The following INPP5A variants were observed in gnomAD, a reference collection of about 807,000 sequenced individuals.
The protein encoded by INPP5A is inositol polyphosphate-5-phosphatase A, also known as 43 kDa inositol polyphosphate 5-phophatase.
In INPP5A, 14 loss-of-function variants were observed where a neutral mutation model predicts 65.2. That is an observed-to-expected ratio of 0.21 (90% CI 0.14 to 0.34). The LOEUF (loss-of-function observed/expected upper bound fraction) is 0.34. INPP5A is among the 10% of genes least tolerant of loss of function. The pLI, the probability that INPP5A is intolerant of heterozygous loss-of-function variation, is 1.00. For synonymous variants in INPP5A, 207 were observed against 208.3 expected (o/e 0.99, Z 0.05); for missense variants, 431 against 545.6 (o/e 0.79, Z 2.09).
intron 1 of INPP5A, among the ~76,000 whole-genome samples, chr10:132,544,417 G>A (rs990782393): frequency 1.3e-5 from 2 of 152,178 alleles, no homozygotes; most frequent in African/African-American, 4.8e-5. Context: ...GGCAATGGGC[G>A]TGGCTGGAGG....
intron 9 of INPP5A, among the ~76,000 whole-genome samples, chr10:132,731,408 C>T (rs1213611555): frequency 6.6e-6 from 1 of 151,912 alleles, no homozygotes; most frequent in Non-Finnish European, 1.5e-5. Flanking sequence ...GAAGTGACTG[C>T]GTCCCTCCTG....
At chr10:132,712,203 G>C (rs974030060) in intron 8 of INPP5A, among the ~76,000 whole-genome samples, 16 of 152,224 alleles carry the variant, frequency 1.1e-4, no homozygotes, top group Admixed American at 6.5e-5. Flanking sequence ...GCATGTGTGT[G>C]CCTGTGCGTG....
intron 5 of INPP5A, among the ~76,000 whole-genome samples, chr10:132,691,442 G>A (rs555316737): frequency 2.0e-5 from 3 of 152,234 alleles, no homozygotes; most frequent in African/African-American, 4.8e-5. Context: ...AGCGGCCGGC[G>A]AGAGTGGAGA....
chr10:132,564,662 C>A (rs2071251142), intron 1 of INPP5A, among the ~76,000 whole-genome samples: 2 of 152,218 alleles, frequency 1.3e-5, no homozygotes. Flanking sequence ...ATAAACAGAC[C>A]TTGCCAAATG....
intron 1 of INPP5A, among the ~76,000 whole-genome samples, chr10:132,562,258 G>T (rs1336803345): frequency 6.6e-6 from 1 of 152,234 alleles, no homozygotes; most frequent in Non-Finnish European, 1.5e-5. Flanking sequence ...TGATACGGCT[G>T]GGCCAGGCCT....
At chr10:132,596,553 G>A (rs1420829770) in intron 1 of INPP5A, among the ~76,000 whole-genome samples, 3 of 151,876 alleles carry the variant, frequency 2.0e-5, no homozygotes, top group Non-Finnish European at 4.4e-5. Flanking sequence ...TCAGCCTCCT[G>A]AGTAGCTGGG....
chr10:132,697,851 T>G lies in INPP5A; in HGVS notation c.406T>G (p.Tyr136Asp). ...TAGAAAGGTCGCTGGCAAAGAGATC[T>G]ACTCGGATACCTTAGAGAGCACGCC... ...KYRKVAGKEIYSDTLESTPML... is the reference protein window; with the variant it reads ...KYRKVAGKEIDSDTLESTPML... The change falls in exon 6 of 16, where the codon TAC becomes GAC. Residue 136 changes from tyrosine (Y) to aspartate (D), a missense_variant. Physicochemically the swap from Tyr to Asp is radical, Grantham distance 160. Transcript: ENST00000368594. The surrounding 1 kb of genome is among the most constrained non-coding windows in gnomAD (Gnocchi z 5.6). The G allele has an allele frequency of 1.2e-6, 2 of 1,613,962 alleles. No homozygotes were observed. The highest frequency in any genetic ancestry group is 1.7e-6 in the Non-Finnish European group (2 of 1,179,854).
At chr10:132,656,057 C>T (rs1255770926) in intron 4 of INPP5A, among the ~76,000 whole-genome samples, 2 of 152,254 alleles carry the variant, frequency 1.3e-5, no homozygotes, top group East Asian at 1.9e-4. Context: ...CTCAAAGCTT[C>T]GGCTGCTTCA....
chr10:132,770,086 C>T (rs1181449810), intron 12 of INPP5A, among the ~76,000 whole-genome samples: 11 of 152,182 alleles, frequency 7.2e-5, no homozygotes, highest in Non-Finnish European at 1.2e-4. Flanking sequence ...CTGGCGAGGG[C>T]GGCGCCTCTG....
intron 4 of INPP5A, among the ~76,000 whole-genome samples, chr10:132,688,631 G>A (rs1232490691): frequency 1.3e-5 from 2 of 151,788 alleles, no homozygotes; most frequent in Non-Finnish European, 2.9e-5. Context: ...GAGCAAGTGC[G>A]TGCGTGTGCA....
At chr10:132,776,583 AAGGCCCCAG>A (rs1847067021) in intron 12 of INPP5A, among the ~76,000 whole-genome samples, 3 of 152,222 alleles carry the variant, frequency 2.0e-5, no homozygotes, top group Non-Finnish European at 4.4e-5. Flanking sequence ...GACTCTGGTG[AAGGCCCCAG>A]AGATGTTGAG....
chr10:132,553,963 C>T (rs941647836), intron 1 of INPP5A, among the ~76,000 whole-genome samples: 123 of 148,464 alleles, frequency 8.3e-4, no homozygotes, highest in Non-Finnish European at 1.2e-3. Context: ...GATTGGTGAA[C>T]ACCTTCTCAG....
At chr10:132,681,902 A>G (rs1420362302) in intron 4 of INPP5A, among the ~76,000 whole-genome samples, 1 of 152,232 alleles carries the variant, frequency 6.6e-6, no homozygotes, top group East Asian at 1.9e-4. Flanking sequence ...TGGTGGAGGA[A>G]CTTGGAGGAC....
At chr10:132,576,897 G>C (rs1014167394) in intron 1 of INPP5A, among the ~76,000 whole-genome samples, 1 of 152,210 alleles carries the variant, frequency 6.6e-6, no homozygotes, top group African/African-American at 2.4e-5. Context: ...ACCAGGATGT[G>C]CTCTGCCGGT....
At chr10:132,779,785 C>T (rs929369624) in intron 13 of INPP5A, among the ~76,000 whole-genome samples, 8 of 152,246 alleles carry the variant, frequency 5.3e-5, no homozygotes, top group South Asian at 4.1e-4. Context: ...GCCGTCACCT[C>T]GTCACCAAGC....
At chr10:132,690,360 T>G in intron 4 of INPP5A, 32 bp from the exon 5 acceptor site, 1 of 1,353,148 alleles carries the variant, frequency 7.4e-7, no homozygotes, top group Non-Finnish European at 1.1e-6. Context: ...CCAGCACCAG[T>G]CTCTCATTTG....
Position 132,750,452 on chromosome 10 carries a change from G to A in INPP5A, c.903+607G>A, listed in dbSNP as rs549729681. ...GCCCCTGCCAGTGAGAGACAGCCCC[G>A]GCTGCTGGACCTGCTGTTGGTTTTG... On this transcript the variant is annotated intron_variant, in intron 11 of 15. Coordinates refer to ENST00000368594, the MANE Select transcript of INPP5A (RefSeq NM_005539.5). 4.6e-5 allele frequency among the ~76,000 whole-genome samples: 7 copies of A among 152,352 alleles called. No individual in the cohort carries two copies. In the East Asian group the frequency reaches 1.2e-3, roughly 25 times the overall value.
intron 2 of INPP5A, among the ~76,000 whole-genome samples, chr10:132,618,296 T>C (rs914715331): frequency 5.9e-5 from 9 of 152,106 alleles, no homozygotes; most frequent in African/African-American, 1.7e-4. Flanking sequence ...TGAGTGTGCT[T>C]CACGGATGCA....
intron 4 of INPP5A, among the ~76,000 whole-genome samples, chr10:132,655,988 G>C (rs566850969): frequency 6.6e-6 from 1 of 152,380 alleles, no homozygotes; most frequent in South Asian, 2.1e-4. Flanking sequence ...GGGCCAGGAG[G>C]GCCTGGCGTG....
Sources: gnomAD v4.1 joint callset for allele counts (sites outside exome capture counted in the v4.1 genomes callset) on GRCh38, gnomAD v4.1.1 for gene constraint, Gnocchi (gnomAD v3.1) non-coding constraint, MANE v1.5 for transcripts, NCBI Gene and HGNC (gene_info 2026-07-23, HGNC 2026-07-21) for gene names.